The following OLIG1 variants were observed in gnomAD, a reference collection of about 807,000 sequenced individuals.
The protein encoded by OLIG1 is basic domain, helix-loop-helix protein, class B, 6.
In OLIG1, 9 loss-of-function variants were observed where a neutral mutation model predicts 13.5. That is an observed-to-expected ratio of 0.67 (90% confidence interval 0.40 to 1.17). OLIG1 has a LOEUF of 1.17. Among genes scored for constraint, OLIG1 ranks in the 50% most tolerant of loss-of-function variants. OLIG1 has a pLI of 0.01. For missense variants in OLIG1, 362 were observed against 392.2 expected (o/e 0.92, Z 0.65); for synonymous variants, 215 against 208.3 (o/e 1.03, Z -0.28).
Position 33,071,184 on chromosome 21 carries a change from G to C in OLIG1, c.*122G>C, listed in dbSNP as rs1982218900. 1.0e-6 allele frequency: 1 copy of C among 959,972 alleles called. No homozygotes were observed. The highest frequency in any genetic ancestry group is 1.4e-6 in the Non-Finnish European group (1 of 692,480). 59.5% of individuals were successfully genotyped at this position (959,972 alleles called of 1,614,324 possible). ...CAAGGAAAGCATTTCGAACCTTCCA[G>C]TCCAGAGGAAGGGACTGTCGGGCAC... On this transcript the variant is annotated 3_prime_UTR_variant, in exon 1 of 1. Coordinates refer to ENST00000382348, the MANE Select transcript of OLIG1 (RefSeq NM_138983.3). This position sits in a 1 kb window ranked among gnomAD's most constrained non-coding sequence, Gnocchi z 6.0.
Position 33,070,489 on chromosome 21 carries a change from C to T in OLIG1, c.243C>T (p.Gly81=), listed in dbSNP as rs575025407. ...EKPEAPAEPP[G]PGPGSGAHPG... Reference sequence around the variant, plus strand: ...CGGAGGCGCCGGCCGAGCCTCCAGGCCCCGGGCCCGGGTCAGGCGCGCACC... The same window carrying T: ...CGGAGGCGCCGGCCGAGCCTCCAGGTCCCGGGCCCGGGTCAGGCGCGCACC... The change falls in exon 1 of 1, where the codon GGC becomes GGT. Residue 81 remains glycine (G), a synonymous_variant. Transcript: ENST00000382348. This position sits in a 1 kb window ranked among gnomAD's most constrained non-coding sequence, Gnocchi z 5.9. The T allele has an allele frequency of 1.3e-6, 2 of 1,520,732 alleles. No individual in the cohort carries two copies. The highest frequency in any genetic ancestry group is 1.2e-5 in the South Asian group (1 of 81,832). 94.2% of individuals were successfully genotyped at this position (1,520,732 alleles called of 1,614,324 possible).
Position 33,071,037 on chromosome 21 carries a change from C to T in OLIG1, c.791C>T (p.Ala264Val). 6.6e-7 allele frequency: 1 copy of T among 1,509,256 alleles called. No homozygotes were observed. Among genetic ancestry groups the T allele is most frequent in the Non-Finnish European group, 8.8e-7 (1 of 1,134,048 alleles). 93.5% of individuals were successfully genotyped at this position (1,509,256 alleles called of 1,614,324 possible). A position where few individuals can be genotyped will look rare whatever the true frequency, so the allele number is the denominator to read the frequency against. The change falls in exon 1 of 1, where the codon GCC (alanine) becomes GTC (valine). Residue 264 changes from alanine (A) to valine (V), a missense_variant. By Grantham distance (64) the Ala-to-Val change is moderately conservative. This residue lies in a region of OLIG1 where 62 missense variants were observed against 49.1 expected (regional missense o/e 1.26). Transcript: ENST00000382348. The surrounding 1 kb of genome is among the most constrained non-coding windows in gnomAD (Gnocchi z 6.0). ...GTCCCGGCCAGCCTGGGCCTGGCCG[C>T]CGTGCAGGCGCAATTCTCCAAGTGA... The part of the protein sequence containing the change: ...HLVPASLGLA[A>V]VQAQFSK
Position 33,070,742 on chromosome 21 carries a change from A to G in OLIG1, c.496A>G (p.Ser166Gly). ...LARNYILLLGSSLQELRRALG... is the reference protein window; with the variant it reads ...LARNYILLLGGSLQELRRALG... The stretch of plus-strand genomic sequence containing the variant: ...CCGCAACTACATCCTACTGCTGGGC[A>G]GCTCGCTGCAGGAGCTGCGCCGCGC... The change falls in exon 1 of 1, where the codon AGC (serine) becomes GGC (glycine). Residue 166 changes from serine to glycine, a missense_variant. Physicochemically the swap from Ser to Gly is moderately conservative, Grantham distance 56. This residue lies in a region of OLIG1 where 94 missense variants were observed against 146.0 expected (regional missense o/e 0.64). Transcript: ENST00000382348. This position sits in a 1 kb window ranked among gnomAD's most constrained non-coding sequence, Gnocchi z 5.9. 1.4e-6 allele frequency: 2 copies of G among 1,390,922 alleles called. No homozygotes were observed. Among genetic ancestry groups the G allele is most frequent in the South Asian group, 1.7e-5 (1 of 57,824 alleles). 86.2% of individuals were successfully genotyped at this position (1,390,922 alleles called of 1,614,324 possible). A position where few individuals can be genotyped will look rare whatever the true frequency, so the allele number is the denominator to read the frequency against.
In OLIG1 at chr21:33,071,900, C is replaced by G. The variant is rs902798291; in HGVS notation, c.*838C>G. 8 of 167,102 alleles carry G rather than the reference C, an allele frequency of 4.8e-5. No individual in the cohort carries two copies. Among genetic ancestry groups the G allele is most frequent in the Non-Finnish European group, 1.0e-4 (7 of 68,122 alleles). The allele number at this position is 167,102 out of a possible 1,614,324, so 10.4% of individuals were successfully genotyped here. The stretch of plus-strand genomic sequence containing the variant: ...AGATTCACCTTTCGTTTCCCTTTCC[C>G]CAAAAGTAGCGTAACCAACATTTAA... On this transcript the variant is annotated 3_prime_UTR_variant, in exon 1 of 1. Transcript: ENST00000382348. This position sits in a 1 kb window ranked among gnomAD's most constrained non-coding sequence, Gnocchi z 6.0.
Position 33,070,530 on chromosome 21 carries a change from G to A in OLIG1, c.284G>A (p.Arg95Gln), listed in dbSNP as rs763989022. ...GSGAHPGGSA[R>Q]PDAKEEQQQQ... ...GGCGCGCACCCGGGCGGCAGCGCCCGGCCGGACGCCAAGGAGGAGCAGCAG... is the reference window on the plus strand; with the variant it reads ...GGCGCGCACCCGGGCGGCAGCGCCCAGCCGGACGCCAAGGAGGAGCAGCAG... The change falls in exon 1 of 1, where the codon CGG becomes CAG. Residue 95 changes from arginine to glutamine, a missense_variant. By Grantham distance (43) the Arg-to-Gln change is conservative. Coordinates refer to ENST00000382348, the MANE Select transcript of OLIG1 (RefSeq NM_138983.3). This position sits in a 1 kb window ranked among gnomAD's most constrained non-coding sequence, Gnocchi z 5.9. 6.7e-7 allele frequency: 1 copy of A among 1,500,824 alleles called. No homozygotes were observed. The highest frequency in any genetic ancestry group is 2.2e-5 in the Admixed American group (1 of 45,544). 93.0% of individuals were successfully genotyped at this position (1,500,824 alleles called of 1,614,324 possible). A position where few individuals can be genotyped will look rare whatever the true frequency, so the allele number is the denominator to read the frequency against.
Position 33,071,139 on chromosome 21 carries a change from T to TGA in OLIG1, c.*77_*78insGA. 7.8e-7 allele frequency: 1 copy of TGA among 1,286,116 alleles called. No homozygotes were observed. The highest frequency in any genetic ancestry group is 1.0e-6 in the Non-Finnish European group (1 of 982,896). 79.7% of individuals were successfully genotyped at this position (1,286,116 alleles called of 1,614,324 possible). On this transcript the variant is annotated 3_prime_UTR_variant, in exon 1 of 1. Coordinates refer to ENST00000382348, the MANE Select transcript of OLIG1 (RefSeq NM_138983.3). The surrounding 1 kb of genome is among the most constrained non-coding windows in gnomAD (Gnocchi z 6.0). ...CTTCTCCGCGCCCCTGCTCCCTGCGTCTGGGAGAGCGAGGCCGAGCAAGGA... is the reference window on the plus strand; with the variant it reads ...CTTCTCCGCGCCCCTGCTCCCTGCGTGACTGGGAGAGCGAGGCCGAGCAAGGA...
rs79374396 is a variant in OLIG1 at position 33,072,368 on chromosome 21, T to C, written c.*1306T>C. Reference sequence around the variant, plus strand: ...ACTTTATTTTACTTCTAACCTTGTTTCCTGACGGTGTACAGAATCAACAAA... The same window carrying C: ...ACTTTATTTTACTTCTAACCTTGTTCCCTGACGGTGTACAGAATCAACAAA... On this transcript the variant is annotated 3_prime_UTR_variant, in exon 1 of 1. Coordinates refer to ENST00000382348, the MANE Select transcript of OLIG1 (RefSeq NM_138983.3). The C allele has an allele frequency of 2.9e-3, 482 of 167,240 alleles. 4 individuals carry two copies. The highest frequency in any genetic ancestry group is 5.1e-3 in the Non-Finnish European group (346 of 68,126). 10.4% of individuals were successfully genotyped at this position (167,240 alleles called of 1,614,324 possible).
rs1443234585 is a variant in OLIG1 at position 33,070,864 on chromosome 21, C to A, written c.618C>A (p.Gly206=). 2.4e-6 allele frequency: 3 copies of A among 1,246,898 alleles called. No homozygotes were observed. The highest frequency in any genetic ancestry group is 3.0e-6 in the Non-Finnish European group (3 of 994,900). 77.2% of individuals were successfully genotyped at this position (1,246,898 alleles called of 1,614,324 possible). ...AAPGSVLLAP[G]AVGPPDALRP... is the part of the protein sequence containing the mutation. ...CCGGCTCCGTGCTGCTGGCGCCCGGCGCCGTAGGACCCCCCGACGCGCTGC... is the reference window on the plus strand; with the variant it reads ...CCGGCTCCGTGCTGCTGGCGCCCGGAGCCGTAGGACCCCCCGACGCGCTGC... The change falls in exon 1 of 1, where the codon GGC becomes GGA. Residue 206 remains glycine (G), a synonymous_variant. Transcript: ENST00000382348. This position sits in a 1 kb window ranked among gnomAD's most constrained non-coding sequence, Gnocchi z 5.9.
chr21:33,071,318 A>C lies in OLIG1; in HGVS notation c.*256A>C. 2 of 354,056 alleles carry C rather than the reference A, an allele frequency of 5.6e-6. No homozygotes were observed. The highest frequency in any genetic ancestry group is 1.1e-5 in the Non-Finnish European group (2 of 185,154). The allele number at this position is 354,056 out of a possible 1,614,324, so 21.9% of individuals were successfully genotyped here. ...GTCGGTTCCAGCGGCTTTAGGCAGAAAGTGCTCGCTCTCACCCAGCACATC... is the reference window on the plus strand; with the variant it reads ...GTCGGTTCCAGCGGCTTTAGGCAGACAGTGCTCGCTCTCACCCAGCACATC... On this transcript the variant is annotated 3_prime_UTR_variant, in exon 1 of 1. Transcript: ENST00000382348. The surrounding 1 kb of genome is among the most constrained non-coding windows in gnomAD (Gnocchi z 6.0).
At position 33,071,220 on chromosome 21, in the gene OLIG1, GC is replaced by G; in HGVS notation, c.*163del. 2 of 642,484 alleles carry G rather than the reference GC, an allele frequency of 3.1e-6. No homozygotes were observed. The highest frequency in any genetic ancestry group is 4.9e-6 in the Non-Finnish European group (2 of 406,810). The allele number at this position is 642,484 out of a possible 1,614,324, so 39.8% of individuals were successfully genotyped here. ...GGGACTGTCGGGCACCCCCTTCCCC[GC>G]CCCCACCCCTGGGACGTTAAAGTGA... On this transcript the variant is annotated 3_prime_UTR_variant, in exon 1 of 1. Transcript: ENST00000382348. This position sits in a 1 kb window ranked among gnomAD's most constrained non-coding sequence, Gnocchi z 6.0.
At position 33,072,104 on chromosome 21, in the gene OLIG1, G is replaced by A. The variant is rs2034409671; in HGVS notation, c.*1042G>A. On this transcript the variant is annotated 3_prime_UTR_variant, in exon 1 of 1. Coordinates refer to ENST00000382348, the MANE Select transcript of OLIG1 (RefSeq NM_138983.3). ...TGCTCGGCGGATCCCAGCTGCGGTG[G>A]CGACGGCGGGAAGGCGCTTTCCGCT... The A allele has an allele frequency of 6.0e-6, 1 of 167,076 alleles. No homozygotes were observed. Among genetic ancestry groups the A allele is most frequent in the Non-Finnish European group, 1.5e-5 (1 of 68,130 alleles). 10.3% of individuals were successfully genotyped at this position (167,076 alleles called of 1,614,324 possible).
chr21:33,072,180 C>T lies in OLIG1; in HGVS notation c.*1118C>T, dbSNP rs1980115778. ...CCAGCGCGGCCCGCAGGTCTTCCTTCTCGCCGTCTTGCAGTTGAAGAGCTA... is the reference window on the plus strand; with the variant it reads ...CCAGCGCGGCCCGCAGGTCTTCCTTTTCGCCGTCTTGCAGTTGAAGAGCTA... On this transcript the variant is annotated 3_prime_UTR_variant, in exon 1 of 1. Transcript: ENST00000382348. The T allele has an allele frequency of 6.0e-6, 1 of 167,132 alleles. No individual in the cohort carries two copies. Among genetic ancestry groups the T allele is most frequent in the Admixed American group, 6.5e-5 (1 of 15,292 alleles). The allele number at this position is 167,132 out of a possible 1,614,324, so 10.4% of individuals were successfully genotyped here.
Position 33,070,716 on chromosome 21 carries a change from C to A in OLIG1, c.470C>A (p.Ala157Asp). Residue 157 changes from alanine to aspartate, a missense_variant, in exon 1 of 1, where the codon GCC (alanine) becomes GAC (aspartate). Ala to Asp is a moderately radical substitution (Grantham distance 126). Around this residue, in one of 3 missense-constraint regions of OLIG1, gnomAD observed 94 missense variants for 146.0 expected, o/e 0.64. Coordinates refer to ENST00000382348, the MANE Select transcript of OLIG1 (RefSeq NM_138983.3). The surrounding 1 kb of genome is among the most constrained non-coding windows in gnomAD (Gnocchi z 5.9). Reference protein sequence around the residue: ...KLSKIATLLLARNYILLLGSS... With the variant: ...KLSKIATLLLDRNYILLLGSS... Reference sequence around the variant, plus strand: ...TCCAAGATAGCCACGCTGCTGCTCGCCCGCAACTACATCCTACTGCTGGGC... The same window carrying A: ...TCCAAGATAGCCACGCTGCTGCTCGACCGCAACTACATCCTACTGCTGGGC... 1 of 1,505,544 alleles carries A rather than the reference C, an allele frequency of 6.6e-7. No individual in the cohort carries two copies. Among genetic ancestry groups the A allele is most frequent in the Non-Finnish European group, 8.8e-7 (1 of 1,132,518 alleles). The allele number at this position is 1,505,544 out of a possible 1,614,324, so 93.3% of individuals were successfully genotyped here. A position where few individuals can be genotyped will look rare whatever the true frequency, so the allele number is the denominator to read the frequency against.
In OLIG1 at chr21:33,071,113, G is replaced by A. The variant is rs1982217044; in HGVS notation, c.*51G>A. ...CCTCGGCCCGGCCTCCCTTCGCTCAGCTTCTCCGCGCCCCTGCTCCCTGCG... is the reference window on the plus strand; with the variant it reads ...CCTCGGCCCGGCCTCCCTTCGCTCAACTTCTCCGCGCCCCTGCTCCCTGCG... On this transcript the variant is annotated 3_prime_UTR_variant, in exon 1 of 1. Transcript: ENST00000382348. The surrounding 1 kb of genome is among the most constrained non-coding windows in gnomAD (Gnocchi z 6.0). 7.1e-7 allele frequency: 1 copy of A among 1,413,694 alleles called. No homozygotes were observed. The highest frequency in any genetic ancestry group is 9.3e-7 in the Non-Finnish European group (1 of 1,076,930). The allele number at this position is 1,413,694 out of a possible 1,614,324, so 87.6% of individuals were successfully genotyped here. A position where few individuals can be genotyped will look rare whatever the true frequency, so the allele number is the denominator to read the frequency against.
Position 33,070,200 on chromosome 21 carries a change from CAGGGCGTTCCTGA to C in OLIG1, c.-39_-27del, listed in dbSNP as rs759386711. On this transcript the variant is annotated 5_prime_UTR_variant, in exon 1 of 1. Transcript: ENST00000382348. The surrounding 1 kb of genome is among the most constrained non-coding windows in gnomAD (Gnocchi z 5.9). ...GGGCGGCCTGCCGACCGGCCCACCC[CAGGGCGTTCCTGA>C]AGGGCGTCCTCGGCCGCCCCCACCG... is the stretch of plus-strand genomic sequence containing the variant. 51 of 1,477,182 alleles carry C rather than the reference CAGGGCGTTCCTGA, an allele frequency of 3.5e-5. No individual in the cohort carries two copies. The South Asian group carries it at 6.5e-4, about 19-fold the overall frequency. 91.5% of individuals were successfully genotyped at this position (1,477,182 alleles called of 1,614,324 possible). A position where few individuals can be genotyped will look rare whatever the true frequency, so the allele number is the denominator to read the frequency against.
rs977392827 is a variant in OLIG1, at chr21:33,072,033, C to CGTTCTCATTA, written c.*972_*981dup. On this transcript the variant is annotated 3_prime_UTR_variant, in exon 1 of 1. Transcript: ENST00000382348. ...CCGTCCTGTCAAGAGCGCTAATGAA[C>CGTTCTCATTA]GTTCTCATTAACACGCAGGAGTACC... 3.6e-5 allele frequency: 6 copies of CGTTCTCATTA among 167,128 alleles called. No individual in the cohort carries two copies. The highest frequency in any genetic ancestry group is 1.4e-4 in the African/African-American group (6 of 41,464). 10.4% of individuals were successfully genotyped at this position (167,128 alleles called of 1,614,324 possible).
chr21:33,070,612 C>G lies in OLIG1; in HGVS notation c.366C>G (p.Asn122Lys). 6.3e-7 allele frequency: 1 copy of G among 1,575,556 alleles called. No homozygotes were observed. The highest frequency in any genetic ancestry group is 8.6e-7 in the Non-Finnish European group (1 of 1,167,332). ...AGCGGAAGCGCATGCAGGACCTGAA[C>G]CTGGCCATGGACGCCCTGCGCGAGG... ...SRERKRMQDL[N>K]LAMDALREVI... is the part of the protein sequence containing the mutation. The change falls in exon 1 of 1, where the codon AAC (asparagine) becomes AAG (lysine). Residue 122 changes from asparagine (N) to lysine (K), a missense_variant. Asn to Lys is a moderately conservative substitution (Grantham distance 94, BLOSUM62 0). This residue lies in a region of OLIG1 where 206 missense variants were observed against 197.2 expected (regional missense o/e 1.04). Coordinates refer to ENST00000382348, the MANE Select transcript of OLIG1 (RefSeq NM_138983.3). This position sits in a 1 kb window ranked among gnomAD's most constrained non-coding sequence, Gnocchi z 5.9.
In OLIG1 at chr21:33,071,022, G is replaced by A; in HGVS notation, c.776G>A (p.Ser259Asn). 1 of 1,427,200 alleles carries A rather than the reference G, an allele frequency of 7.0e-7. No individual in the cohort carries two copies. The highest frequency in any genetic ancestry group is 2.6e-4 in the Middle Eastern group (1 of 3,808). 88.4% of individuals were successfully genotyped at this position (1,427,200 alleles called of 1,614,324 possible). A position where few individuals can be genotyped will look rare whatever the true frequency, so the allele number is the denominator to read the frequency against. The change falls in exon 1 of 1, where the codon AGC becomes AAC. Residue 259 changes from serine (S) to asparagine (N), a missense_variant. Transcript: ENST00000382348. This position sits in a 1 kb window ranked among gnomAD's most constrained non-coding sequence, Gnocchi z 6.0. ...AAGTTCCCGCACCTGGTCCCGGCCAGCCTGGGCCTGGCCGCCGTGCAGGCG... is the reference window on the plus strand; with the variant it reads ...AAGTTCCCGCACCTGGTCCCGGCCAACCTGGGCCTGGCCGCCGTGCAGGCG... The part of the protein sequence containing the change: ...VCKFPHLVPA[S>N]LGLAAVQAQF...
Position 33,070,153 on chromosome 21 carries a change from C to T in OLIG1, c.-94C>T, listed in dbSNP as rs1982169887. 1 of 1,399,038 alleles carries T rather than the reference C, an allele frequency of 7.1e-7. No individual in the cohort carries two copies. Among genetic ancestry groups the T allele is most frequent in the Non-Finnish European group, 9.3e-7 (1 of 1,075,652 alleles). 86.7% of individuals were successfully genotyped at this position (1,399,038 alleles called of 1,614,324 possible). A position where few individuals can be genotyped will look rare whatever the true frequency, so the allele number is the denominator to read the frequency against. ...GGGCCAGGGCCCCACCATCGTTTCC[C>T]CGCGCGCAGGTCCGCGGGGAGGGGC... On this transcript the variant is annotated 5_prime_UTR_variant, in exon 1 of 1. Coordinates refer to ENST00000382348, the MANE Select transcript of OLIG1 (RefSeq NM_138983.3). This position sits in a 1 kb window ranked among gnomAD's most constrained non-coding sequence, Gnocchi z 5.9.
Sources: gnomAD v4.1 joint callset for allele counts on GRCh38, gnomAD v4.1.1 for gene constraint, gnomAD v4.1.1 regional missense constraint, Gnocchi (gnomAD v3.1) non-coding constraint, MANE v1.5 for transcripts, NCBI Gene and HGNC (gene_info 2026-07-23, HGNC 2026-07-21) for gene names.